ZFPM2: variants seen among roughly 807,000 people sequenced by gnomAD.
ZFPM2 encodes the protein zinc finger protein ZFPM2.
Under a neutral mutation model 98.6 loss-of-function variants are expected in ZFPM2, and 20 were observed. The observed-to-expected ratio is 0.20, with a 90% confidence interval of 0.14 to 0.29. The LOEUF is 0.29. Among genes scored for constraint, ZFPM2 ranks in the 10% least tolerant of loss-of-function variants. The pLI is 1.00. For missense variants in ZFPM2, 1,310 were observed against 1,388.6 expected, an observed-to-expected ratio of 0.94 and a Z score of 0.90; for synonymous variants, 518 against 502.7, an observed-to-expected ratio of 1.03 and a Z score of -0.41.
chr8:105,484,867 C>G (rs1230592978), intron 3 of ZFPM2, among the ~76,000 whole-genome samples: 1 of 152,182 alleles, frequency 6.6e-6, no homozygotes, highest in Non-Finnish European at 1.5e-5. Context: ...TATTTGTCAG[C>G]TTTGCCCTAG....
intron 4 of ZFPM2, among the ~76,000 whole-genome samples, chr8:105,632,129 T>A (rs914659310): frequency 1.3e-5 from 2 of 152,068 alleles, no homozygotes; most frequent in Non-Finnish European, 2.9e-5. Context: ...CCTGGAGAGC[T>A]GCAGATCCTT....
chr8:105,739,053 C>G (rs889840626), intron 5 of ZFPM2, among the ~76,000 whole-genome samples: 1 of 152,008 alleles, frequency 6.6e-6, no homozygotes, highest in African/African-American at 2.4e-5. Context: ...AGCAGGCACA[C>G]TGACAACAGA....
chr8:105,330,402 T>C (rs1563606327), intron 1 of ZFPM2, among the ~76,000 whole-genome samples: 1 of 150,812 alleles, frequency 6.6e-6, no homozygotes, highest in Admixed American at 6.7e-5. Flanking sequence ...GTACTCATGA[T>C]AAGTCATCAG....
intron 4 of ZFPM2, among the ~76,000 whole-genome samples, chr8:105,586,039 G>GTGTA (rs1443084735): frequency 3.4e-5 from 5 of 145,832 alleles, no homozygotes; most frequent in African/African-American, 7.6e-5. Flanking sequence ...GTGTGTGTGT[G>GTGTA]TATGCACACG....
chr8:105,365,937 G>T (rs1169757503), intron 1 of ZFPM2, among the ~76,000 whole-genome samples: 1 of 152,106 alleles, frequency 6.6e-6, no homozygotes, highest in East Asian at 1.9e-4. Flanking sequence ...AAAAATGATT[G>T]ATGATTTCCA....
intron 3 of ZFPM2, among the ~76,000 whole-genome samples, chr8:105,497,376 C>CA (rs1178391175): frequency 2.6e-5 from 4 of 152,050 alleles, no homozygotes; most frequent in Non-Finnish European, 5.9e-5. Flanking sequence ...AACAAACAAA[C>CA]AAAAAACAAA....
chr8:105,549,153 T>C lies in ZFPM2; in HGVS notation c.302-12210T>C, dbSNP rs185655721. 1.4e-4 allele frequency among the ~76,000 whole-genome samples: 21 copies of C among 152,228 alleles called. No individual in the cohort carries two copies. In the East Asian group the frequency reaches 3.3e-3, roughly 24 times the overall value. Reference sequence around the variant, plus strand: ...TTCCTTCCTTCATTTCCTCCTCCTCTTCTTCTTCAAAATCTGCCATCTCTA... The same window carrying C: ...TTCCTTCCTTCATTTCCTCCTCCTCCTCTTCTTCAAAATCTGCCATCTCTA... On this transcript the variant is annotated intron_variant, in intron 3 of 7. Transcript: ENST00000407775.
intron 5 of ZFPM2, among the ~76,000 whole-genome samples, chr8:105,674,331 C>T (rs1387287387): frequency 2.0e-5 from 3 of 152,152 alleles, no homozygotes; most frequent in African/African-American, 7.2e-5. Context: ...CTCAGCTGTG[C>T]AAGACACATT....
chr8:105,629,606 G>A (rs1816720235), intron 4 of ZFPM2, among the ~76,000 whole-genome samples: 1 of 152,108 alleles, frequency 6.6e-6, no homozygotes, highest in African/African-American at 2.4e-5. Flanking sequence ...TAAAATCAAG[G>A]TGTCAGTCTT....
At chr8:105,624,335 C>A (rs139363147) in intron 4 of ZFPM2, among the ~76,000 whole-genome samples, 46 of 152,276 alleles carry the variant, frequency 3.0e-4, no homozygotes, top group Non-Finnish European at 5.0e-4. Flanking sequence ...TCCTTAAACA[C>A]CCTGTGACTT....
At chr8:105,639,204 T>C (rs1816904300) in intron 5 of ZFPM2, among the ~76,000 whole-genome samples, 1 of 152,114 alleles carries the variant, frequency 6.6e-6, no homozygotes, top group Admixed American at 6.6e-5. Context: ...TCTTATATGC[T>C]ATCTACCGTT....
chr8:105,520,059 T>C (rs1389463287), intron 3 of ZFPM2, among the ~76,000 whole-genome samples: 1 of 152,124 alleles, frequency 6.6e-6, no homozygotes, highest in East Asian at 1.9e-4. Flanking sequence ...AACAGAAATA[T>C]CCTGTTATTG....
chr8:105,401,553 C>T (rs1275655335), intron 1 of ZFPM2, among the ~76,000 whole-genome samples: 1 of 152,040 alleles, frequency 6.6e-6, no homozygotes, highest in Non-Finnish European at 1.5e-5. Flanking sequence ...TCTGTATGTT[C>T]TTACCATGAC....
At chr8:105,741,055 A>T (rs1363825783) in intron 5 of ZFPM2, among the ~76,000 whole-genome samples, 1 of 152,060 alleles carries the variant, frequency 6.6e-6, no homozygotes, top group East Asian at 1.9e-4. Flanking sequence ...TGGGCAGAAT[A>T]AAGGAGGAGG....
chr8:105,783,238 T>A (rs944394310), intron 5 of ZFPM2, among the ~76,000 whole-genome samples: 16 of 149,120 alleles, frequency 1.1e-4, no homozygotes, highest in Non-Finnish European at 2.2e-4. Flanking sequence ...TTTTTTTGGT[T>A]TTCCTAAAAT....
At chr8:105,413,893 G>A (rs1563647670) in intron 1 of ZFPM2, among the ~76,000 whole-genome samples, 1 of 151,922 alleles carries the variant, frequency 6.6e-6, no homozygotes, top group Non-Finnish European at 1.5e-5. Context: ...GAATAAAAAG[G>A]TTTGGAAATA....
chr8:105,466,295 G>A (rs910528960), intron 3 of ZFPM2, among the ~76,000 whole-genome samples: 5 of 151,828 alleles, frequency 3.3e-5, no homozygotes, highest in Non-Finnish European at 5.9e-5. Context: ...TGTGGTACTG[G>A]AAAAAATGCT....
chr8:105,570,972 C>A (rs1408416010), intron 4 of ZFPM2, among the ~76,000 whole-genome samples: 1 of 152,140 alleles, frequency 6.6e-6, no homozygotes, highest in Non-Finnish European at 1.5e-5. Flanking sequence ...TGAAGATGAT[C>A]TTTTCAGTTA....
chr8:105,347,120 T>G (rs952258042), intron 1 of ZFPM2, among the ~76,000 whole-genome samples: 1 of 152,108 alleles, frequency 6.6e-6, no homozygotes, highest in African/African-American at 2.4e-5. Flanking sequence ...TTTTGAATGA[T>G]GTAACACCCC....
Sources: allele counts gnomAD v4.1 joint callset (sites outside exome capture counted in the v4.1 genomes callset), GRCh38; gene constraint gnomAD v4.1.1; transcripts MANE v1.5; gene names NCBI Gene and HGNC (gene_info 2026-07-23, HGNC 2026-07-21).